PPP4R1: variants seen among roughly 807,000 people sequenced by gnomAD.
The protein encoded by PPP4R1 is protein phosphatase 4 regulatory subunit 1.
A neutral mutation model predicts 111.2 loss-of-function variants in PPP4R1; 42 were observed. The ratio of observed to expected loss-of-function variants is 0.38; its 90% CI spans 0.29 to 0.49. PPP4R1 has a LOEUF of 0.49. Ranked by LOEUF, PPP4R1 falls within the 20% of genes least tolerant of loss-of-function variation. PPP4R1 has a pLI of 0.97. For missense variants in PPP4R1, 1,012 were observed against 1,161.6 expected, an observed-to-expected ratio of 0.87 and a Z score of 1.87; for synonymous variants, 409 against 405.5, an observed-to-expected ratio of 1.01 and a Z score of -0.10.
At position 9,590,744 on chromosome 18, in the gene PPP4R1, C is replaced by T. The variant is rs73395794; in HGVS notation, c.296-1891G>A. Among the ~76,000 whole-genome samples, 1,164 of 151,534 alleles carry T rather than the reference C, an allele frequency of 7.7e-3. 19 individuals are homozygous for T. Among genetic ancestry groups the T allele is most frequent in the African/African-American group, 0.027 (1,102 of 41,256 alleles). ...TTGTATCACGCACATGAATAAATTC[C>T]AGGTGGAATACAGATCTGAATGTCA... On this transcript the variant is annotated intron_variant, in intron 4 of 19. Transcript: ENST00000400556.
chr18:9,568,053 G>C (rs912895969), intron 11 of PPP4R1, among the ~76,000 whole-genome samples: 1 of 152,094 alleles, frequency 6.6e-6, no homozygotes, highest in Admixed American at 6.5e-5. Context: ...TTCTGAGACT[G>C]GGTCTTACTC....
chr18:9,557,534 A>G, intron 14 of PPP4R1, 152 bp from the exon 15 acceptor site: 1 of 619,902 alleles, frequency 1.6e-6, no homozygotes. Flanking sequence ...TGCCTAAATT[A>G]TGCATCGAAA....
Position 9,593,772 on chromosome 18 carries a change from A to G in PPP4R1, c.291T>C (p.Asp97=), listed in dbSNP as rs1256985766. The change falls in exon 4 of 20, where the codon GAT becomes GAC. Residue 97 remains aspartate (D), a synonymous_variant. Coordinates refer to ENST00000400556, the MANE Select transcript of PPP4R1 (RefSeq NM_001042388.3). ...VLERISRLAD[D]SEPTVRAELM... ...ATTCACTTTCTCCACATATACCTGA[A>G]TCATCGGCCAATCTGCTAATTCTTT... 1 of 1,612,676 alleles carries G rather than the reference A, an allele frequency of 6.2e-7. No homozygotes were observed.
chr18:9,609,288 A>C (rs2067537203), intron 2 of PPP4R1, among the ~76,000 whole-genome samples: 2 of 152,134 alleles, frequency 1.3e-5, no homozygotes, highest in Non-Finnish European at 2.9e-5. Context: ...AATACTCCTA[A>C]ATATGATTCA....
intron 9 of PPP4R1, among the ~76,000 whole-genome samples, chr18:9,581,000 A>T (rs2067019801): frequency 6.6e-6 from 1 of 152,190 alleles, no homozygotes; most frequent in South Asian, 2.1e-4. Flanking sequence ...GGCAGACCCA[A>T]AGCTGTACCT....
At chr18:9,594,911 G>A (rs1309359976) in intron 3 of PPP4R1, 107 bp downstream of exon 3, 2 of 1,323,802 alleles carry the variant, frequency 1.5e-6, no homozygotes, top group Admixed American at 2.1e-5. Flanking sequence ...GACTCAGATT[G>A]TGCCTGTTAA....
At chr18:9,616,020 C>G (rs2067684245), upstream of PPP4R1, among the ~76,000 whole-genome samples, 2 of 152,116 alleles carry the variant, frequency 1.3e-5, no homozygotes, top group African/African-American at 4.8e-5. Flanking sequence ...GTCTAATTTT[C>G]TCAACTATAA....
chr18:9,561,639 A>T (rs2066679260), intron 13 of PPP4R1, among the ~76,000 whole-genome samples: 1 of 152,200 alleles, frequency 6.6e-6, no homozygotes, highest in African/African-American at 2.4e-5. Context: ...AATGTGAACA[A>T]GAGGAAATAC....
chr18:9,558,190 C>G (rs923458792), intron 14 of PPP4R1, among the ~76,000 whole-genome samples: 2 of 152,044 alleles, frequency 1.3e-5, no homozygotes, highest in East Asian at 3.8e-4. Context: ...CTTTCCCTTC[C>G]CCCCAGAATC....
At chr18:9,554,127 ATTT>A (rs529919666) in intron 15 of PPP4R1, among the ~76,000 whole-genome samples, 6 of 141,082 alleles carry the variant, frequency 4.3e-5, no homozygotes, top group South Asian at 2.2e-4. Context: ...CAAACAACTA[ATTT>A]TTTTTTTTTT....
In PPP4R1 at chr18:9,549,476, A is replaced by G. The variant is rs2066453832; in HGVS notation, c.2548-138T>C. The stretch of plus-strand genomic sequence containing the variant: ...TTAACCAAAATTCCACGTACTTGGG[A>G]ACTCAAATCAAAAATTACATAATTA... On this transcript the variant is annotated intron_variant, in intron 18 of 19. Transcript: ENST00000400556. 6 of 1,032,484 alleles carry G rather than the reference A, an allele frequency of 5.8e-6. 1 individual carries two copies. In the South Asian group the frequency reaches 8.2e-5, roughly 14 times the overall value. 64.0% of individuals were successfully genotyped at this position (1,032,484 alleles called of 1,614,324 possible).
chr18:9,599,369 A>T (rs1419487956), intron 2 of PPP4R1, among the ~76,000 whole-genome samples: 1 of 152,210 alleles, frequency 6.6e-6, no homozygotes. Context: ...AAGACATATA[A>T]CTACTAAGCC....
At chr18:9,609,856 T>G (rs2145359148) in intron 2 of PPP4R1, among the ~76,000 whole-genome samples, 1 of 152,352 alleles carries the variant, frequency 6.6e-6, no homozygotes, top group East Asian at 1.9e-4. Flanking sequence ...ATATGATATT[T>G]AGAATCAGAA....
At chr18:9,566,055 C>T (rs1482023917) in intron 11 of PPP4R1, among the ~76,000 whole-genome samples, 1 of 151,956 alleles carries the variant, frequency 6.6e-6, no homozygotes, top group East Asian at 2.0e-4. Context: ...GAATTACAGG[C>T]ATGGACCATC....
At chr18:9,586,382 A>T (rs563666124) in intron 6 of PPP4R1, among the ~76,000 whole-genome samples, 3 of 152,150 alleles carry the variant, frequency 2.0e-5, no homozygotes, top group African/African-American at 7.2e-5. Flanking sequence ...GGCCAAGCCC[A>T]AAACTGATTT....
chr18:9,600,284 C>T (rs1174259354), intron 2 of PPP4R1, among the ~76,000 whole-genome samples: 4 of 145,030 alleles, frequency 2.8e-5, no homozygotes, highest in Non-Finnish European at 4.5e-5. Context: ...AATGGAGAAA[C>T]TAAAATTGAG....
chr18:9,583,911 AACCCT>A (rs2067073691), intron 8 of PPP4R1, among the ~76,000 whole-genome samples: 2 of 152,184 alleles, frequency 1.3e-5, no homozygotes, highest in South Asian at 4.1e-4. Context: ...TGATAATCAA[AACCCT>A]ACCCAACATG....
At position 9,557,387 on chromosome 18, in the gene PPP4R1, A is replaced by G. The variant is rs1055414875; in HGVS notation, c.2029-5T>C. 1.3e-6 allele frequency: 2 copies of G among 1,596,176 alleles called. No homozygotes were observed. The highest frequency in any genetic ancestry group is 1.7e-6 in the Non-Finnish European group (2 of 1,174,712). The stretch of plus-strand genomic sequence containing the variant: ...TAGAGTTCGTCGAACTTTCCACTGC[A>G]GAAATGAAAACACATTAGTAAGCTA... On this transcript the variant is annotated splice_polypyrimidine_tract_variant and splice_region_variant and intron_variant, in intron 14 of 19. Transcript: ENST00000400556.
intron 10 of PPP4R1, among the ~76,000 whole-genome samples, chr18:9,571,144 C>G (rs1240020581): frequency 6.6e-6 from 1 of 152,082 alleles, no homozygotes; most frequent in Non-Finnish European, 1.5e-5. Context: ...TTACATTACA[C>G]AAGGAAAATA....
Sources: gnomAD v4.1 joint callset for allele counts (sites outside exome capture counted in the v4.1 genomes callset) on GRCh38, gnomAD v4.1.1 for gene constraint, MANE v1.5 for transcripts, NCBI Gene and HGNC (gene_info 2026-07-23, HGNC 2026-07-21) for gene names.